TENM2: variants seen among roughly 807,000 people sequenced by gnomAD.
TENM2 encodes teneurin transmembrane protein 2, also known as teneurin-2.
A neutral mutation model predicts 245.2 loss-of-function variants in TENM2; 52 were observed. The observed-to-expected ratio is 0.21, with a 90% CI of 0.17 to 0.27. The LOEUF (loss-of-function observed/expected upper bound fraction) is 0.27, where lower values mean the gene tolerates loss of function less well. TENM2 is among the 10% of genes least tolerant of loss of function. The probability of loss-of-function intolerance (pLI) is 1.00; values close to 1 mark genes in which losing one functional copy is unlikely to be tolerated. For missense variants in TENM2, 3,046 were observed against 3,666.8 expected (o/e 0.83, Z 4.37); for synonymous variants, 1,363 against 1,438.9 (o/e 0.95, Z 1.19).
At chr5:167,150,522 T>C in the TENM2 span, among the ~76,000 whole-genome samples, 1 of 152,222 alleles carries the variant, frequency 6.6e-6, no homozygotes, top group African/African-American at 2.4e-5. Context: ...GAATTGACTT[T>C]TTCAAGATGT....
chr5:167,018,925 C>T, the TENM2 span, among the ~76,000 whole-genome samples: 1 of 152,122 alleles, frequency 6.6e-6, no homozygotes, highest in Admixed American at 6.5e-5. Flanking sequence ...TTGTTAGAAT[C>T]AAATGAGAGA....
At chr5:168,251,416 T>C (rs1438954778) in intron 27 of TENM2, among the ~76,000 whole-genome samples, 1 of 152,096 alleles carries the variant, frequency 6.6e-6, no homozygotes, top group Non-Finnish European at 1.5e-5. Context: ...TCCAACGAAA[T>C]TGAATCCAGA....
chr5:167,233,406 A>G, the TENM2 span, among the ~76,000 whole-genome samples: 18 of 152,256 alleles, frequency 1.2e-4, no homozygotes, highest in African/African-American at 4.3e-4. Context: ...GCAGGAAACA[A>G]GTTATAAATA....
chr5:167,258,662 C>A, the TENM2 span, among the ~76,000 whole-genome samples: 4 of 152,050 alleles, frequency 2.6e-5, no homozygotes, highest in African/African-American at 9.7e-5. Flanking sequence ...ATCATGAAAA[C>A]CTGGGCCACT....
intron 15 of TENM2, 92 bp downstream of exon 17, chr5:168,195,387 C>G: frequency 6.9e-7 from 1 of 1,448,022 alleles, no homozygotes; most frequent in Non-Finnish European, 9.4e-7. Context: ...ACAGGATTCC[C>G]CCTGGTGGAC....
intron 2 of TENM2, among the ~76,000 whole-genome samples, chr5:167,537,094 C>T (rs956881567): frequency 3.3e-5 from 5 of 151,734 alleles, no homozygotes; most frequent in East Asian, 1.9e-4. Flanking sequence ...TAAATGATTT[C>T]GAGGGAATGG....
chr5:168,036,402 C>T (rs939800608), intron 5 of TENM2, among the ~76,000 whole-genome samples: 6 of 151,840 alleles, frequency 4.0e-5, no homozygotes, highest in African/African-American at 1.5e-4. Flanking sequence ...TTTGGGAGGC[C>T]GAGGCAGGCG....
intron 4 of TENM2, among the ~76,000 whole-genome samples, chr5:167,955,388 T>C (rs1035648689): frequency 1.3e-5 from 2 of 152,242 alleles, no homozygotes; most frequent in Admixed American, 6.5e-5. Flanking sequence ...GATGGATAGA[T>C]GGCAAAAATT....
At chr5:167,197,438 G>A in the TENM2 span, among the ~76,000 whole-genome samples, 5 of 152,036 alleles carry the variant, frequency 3.3e-5, no homozygotes, top group Admixed American at 1.3e-4. Context: ...GGAGGAGGGG[G>A]TCAGTCTTTG....
chr5:167,452,571 A>G (rs1313776181), intron 2 of TENM2, among the ~76,000 whole-genome samples: 1 of 152,098 alleles, frequency 6.6e-6, no homozygotes, highest in East Asian at 1.9e-4. Context: ...GAGAATTGGA[A>G]AGGAGAACTG....
chr5:167,440,135 C>T (rs537203008), intron 2 of TENM2, among the ~76,000 whole-genome samples: 116 of 152,174 alleles, frequency 7.6e-4, no homozygotes, highest in African/African-American at 2.5e-3. Context: ...ATAACCAGAT[C>T]CAGTTTTAAT....
At chr5:167,414,627 A>G (rs1763073423) in intron 2 of TENM2, among the ~76,000 whole-genome samples, 1 of 152,112 alleles carries the variant, frequency 6.6e-6, no homozygotes, top group Non-Finnish European at 1.5e-5. Flanking sequence ...GTCTGGGTGT[A>G]TGAAAATATC....
chr5:167,033,712 T>A, the TENM2 span, among the ~76,000 whole-genome samples: 1 of 152,180 alleles, frequency 6.6e-6, no homozygotes, highest in African/African-American at 2.4e-5. Context: ...CAATGAAACT[T>A]TTACAGTGGG....
At chr5:167,559,183 AGTTG>A (rs1377077954) in intron 2 of TENM2, among the ~76,000 whole-genome samples, 5 of 152,224 alleles carry the variant, frequency 3.3e-5, no homozygotes, top group Admixed American at 6.5e-5. Context: ...ATATGGCAGT[AGTTG>A]GTTGGTTGCA....
chr5:167,106,294 C>A, the TENM2 span, among the ~76,000 whole-genome samples: 1 of 152,074 alleles, frequency 6.6e-6, no homozygotes, highest in African/African-American at 2.4e-5. Flanking sequence ...CAATAATAGA[C>A]CCCAAAGGAG....
chr5:167,954,628 C>G (rs1449943491), intron 4 of TENM2, among the ~76,000 whole-genome samples: 1 of 152,156 alleles, frequency 6.6e-6, no homozygotes, highest in African/African-American at 2.4e-5. Flanking sequence ...GCCCCTGCCC[C>G]CTCACAGGCC....
chr5:167,194,057 T>G, the TENM2 span, among the ~76,000 whole-genome samples: 1 of 151,972 alleles, frequency 6.6e-6, no homozygotes, highest in African/African-American at 2.4e-5. Context: ...TAGATAAGAC[T>G]AAATCACTGT....
chr5:167,600,322 C>T (rs1016305829), intron 2 of TENM2, among the ~76,000 whole-genome samples: 10 of 151,812 alleles, frequency 6.6e-5, no homozygotes, highest in African/African-American at 2.4e-4. Context: ...CAAATTAGAA[C>T]CTTTTTTTGT....
At chr5:167,675,862 AAC>A (rs1756287391) in intron 2 of TENM2, among the ~76,000 whole-genome samples, 1 of 152,100 alleles carries the variant, frequency 6.6e-6, no homozygotes, top group African/African-American at 2.4e-5. Flanking sequence ...TCCAAATAAT[AAC>A]ACAGTAAATT....
Sources: gnomAD v4.1 joint callset for allele counts (sites outside exome capture counted in the v4.1 genomes callset) on GRCh38, gnomAD v4.1.1 for gene constraint, MANE v1.5 for transcripts, NCBI Gene and HGNC (gene_info 2026-07-23, HGNC 2026-07-21) for gene names.